API5: variants seen among roughly 807,000 people sequenced by gnomAD.
API5 encodes the protein apoptosis inhibitor 5, also known as FIF.
In API5, 6 loss-of-function variants were observed where a neutral mutation model predicts 71.9. The observed-to-expected ratio is 0.08, with a 90% confidence interval of 0.05 to 0.16. The LOEUF (loss-of-function observed/expected upper bound fraction) is 0.16, where lower values mean the gene tolerates loss of function less well. Among genes scored for constraint, API5 ranks in the 10% least tolerant of loss-of-function variants. The probability of loss-of-function intolerance (pLI) is 1.00; values close to 1 mark genes in which losing one functional copy is unlikely to be tolerated. For missense variants in API5, 332 were observed against 612.8 expected (o/e 0.54, Z 4.84); for synonymous variants, 189 against 221.3 (o/e 0.85, Z 1.30).
intron 13 of API5, chr11:43,340,204 C>T: frequency 2.9e-6 from 1 of 347,618 alleles, no homozygotes; most frequent in Admixed American, 4.1e-5. Context: ...TGAAAAAAAT[C>T]TAGGAATAAA....
At chr11:43,314,042 T>C (rs1021402372) in intron 1 of API5, among the ~76,000 whole-genome samples, 2 of 151,258 alleles carry the variant, frequency 1.3e-5, no homozygotes, top group African/African-American at 4.9e-5. Flanking sequence ...TGAGCTGATA[T>C]CGGGCCACTG....
chr11:43,313,891 C>A (rs1854579658), intron 1 of API5, among the ~76,000 whole-genome samples: 1 of 152,070 alleles, frequency 6.6e-6, no homozygotes, highest in South Asian at 2.1e-4. Flanking sequence ...GAGTTCGAGA[C>A]CAGCCTGGCC....
chr11:43,324,447 C>T (rs954625893), intron 6 of API5, among the ~76,000 whole-genome samples: 1 of 152,062 alleles, frequency 6.6e-6, no homozygotes, highest in Non-Finnish European at 1.5e-5. Context: ...TTGAAAAACA[C>T]AATTTAAAGG....
rs552730819 is a variant in API5 at position 43,321,370 on chromosome 11, A to T, written c.326-41A>T. The T allele has an allele frequency of 2.6e-6, 4 of 1,510,676 alleles. No homozygotes were observed. In the East Asian group the frequency reaches 9.1e-5, roughly 34 times the overall value. 93.6% of individuals were successfully genotyped at this position (1,510,676 alleles called of 1,614,324 possible). On this transcript the variant is annotated intron_variant, in intron 3 of 13. Transcript: ENST00000531273. ...TGAAACTGAAGCAGATGATATTTTA[A>T]ATTTGTTTTATATTCATTATGCCAC...
At chr11:43,312,872 G>A (rs909598909) in intron 1 of API5, among the ~76,000 whole-genome samples, 1 of 152,110 alleles carries the variant, frequency 6.6e-6, no homozygotes, top group African/African-American at 2.4e-5. Context: ...ACTTTGGGAG[G>A]CCGAGGCGGG....
chr11:43,326,499 T>C lies in API5; in HGVS notation c.751-8T>C. 6.4e-7 allele frequency: 1 copy of C among 1,570,064 alleles called. No homozygotes were observed. Among genetic ancestry groups the C allele is most frequent in the Non-Finnish European group, 8.7e-7 (1 of 1,147,894 alleles). On this transcript the variant is annotated splice_polypyrimidine_tract_variant and splice_region_variant and intron_variant, in intron 6 of 13. Transcript: ENST00000531273. ...TTCGACAATGCATTTTCTTTGGATTTCTTACAGAAAAATGTCCATTCCACA... is the reference window on the plus strand; with the variant it reads ...TTCGACAATGCATTTTCTTTGGATTCCTTACAGAAAAATGTCCATTCCACA...
At chr11:43,331,673 C>T (rs114742566) in intron 11 of API5, among the ~76,000 whole-genome samples, 3 of 152,014 alleles carry the variant, frequency 2.0e-5, no homozygotes, top group South Asian at 2.1e-4. Flanking sequence ...AAAGAATCTG[C>T]GTATAAGTGA....
At chr11:43,335,121 G>A (rs1303110486) in intron 11 of API5, 157 bp from the exon 12 acceptor site, 4 of 632,888 alleles carry the variant, frequency 6.3e-6, no homozygotes, top group African/African-American at 3.7e-5. Context: ...TAATACATGT[G>A]ATTTGTAAAC....
chr11:43,324,528 G>A (rs1317381073), intron 6 of API5, among the ~76,000 whole-genome samples: 1 of 152,060 alleles, frequency 6.6e-6, no homozygotes, highest in African/African-American at 2.4e-5. Context: ...GCCAAGGTGG[G>A]AGTATCACTT....
chr11:43,320,319 C>G (rs1854831399), intron 2 of API5, among the ~76,000 whole-genome samples: 1 of 151,976 alleles, frequency 6.6e-6, no homozygotes, highest in African/African-American at 2.4e-5. Flanking sequence ...GCTGGGATTA[C>G]AGGTGTGAGC....
At chr11:43,322,264 C>T (rs142818175) in intron 5 of API5, 128 bp downstream of exon 5, 2 of 837,748 alleles carry the variant, frequency 2.4e-6, no homozygotes, top group African/African-American at 3.5e-5. Context: ...ATTGGAACCA[C>T]CATAGAACTT....
chr11:43,323,200 C>A (rs535225943), intron 5 of API5, among the ~76,000 whole-genome samples: 1 of 151,672 alleles, frequency 6.6e-6, no homozygotes, highest in Non-Finnish European at 1.5e-5. Context: ...GTGCTTTGTA[C>A]GTAAAAAAGT....
At position 43,312,032 on chromosome 11, in the gene API5, A is replaced by G. The variant is rs1321527160; in HGVS notation, c.-96A>G. On this transcript the variant is annotated 5_prime_UTR_variant, in exon 1 of 14. Coordinates refer to ENST00000531273, the MANE Select transcript of API5 (RefSeq NM_001142930.2). ...CTGCACTGGCGGCAGCTGGAGGTGTAATAGTGCGGGTAGTGGGTTTGGAGA... is the reference window on the plus strand; with the variant it reads ...CTGCACTGGCGGCAGCTGGAGGTGTGATAGTGCGGGTAGTGGGTTTGGAGA... 2.2e-6 allele frequency: 3 copies of G among 1,379,000 alleles called. No individual in the cohort carries two copies. Among genetic ancestry groups the G allele is most frequent in the African/African-American group, 1.4e-5 (1 of 70,202 alleles). The allele number at this position is 1,379,000 out of a possible 1,614,324, so 85.4% of individuals were successfully genotyped here.
intron 13 of API5, among the ~76,000 whole-genome samples, chr11:43,339,671 G>A (rs1008564272): frequency 6.6e-6 from 1 of 152,040 alleles, no homozygotes; most frequent in Non-Finnish European, 1.5e-5. Flanking sequence ...CACCTATTTG[G>A]CAGTATTCTG....
intron 13 of API5, among the ~76,000 whole-genome samples, chr11:43,336,617 A>C: frequency 6.6e-6 from 1 of 152,220 alleles, no homozygotes; most frequent in East Asian, 1.9e-4. Flanking sequence ...TGTCGAATCA[A>C]AAGTAAAGTT....
chr11:43,320,913 A>T lies in API5; in HGVS notation c.324A>T (p.Thr108=). ...VADILTQLLQ[T]DDSAEFNLVN... is the part of the protein sequence containing the mutation. Reference sequence around the variant, plus strand: ...ATATACTAACGCAACTTTTGCAGACAGGTAAGGGATTTTATTATTACCTTT... The same window carrying T: ...ATATACTAACGCAACTTTTGCAGACTGGTAAGGGATTTTATTATTACCTTT... Residue 108 remains threonine (T), a splice_region_variant and synonymous_variant, in exon 3 of 14, where the codon ACA becomes ACT. Coordinates refer to ENST00000531273, the MANE Select transcript of API5 (RefSeq NM_001142930.2). The T allele has an allele frequency of 6.2e-7, 1 of 1,606,800 alleles. No homozygotes were observed. Among genetic ancestry groups the T allele is most frequent in the Non-Finnish European group, 8.5e-7 (1 of 1,175,652 alleles).
Position 43,329,947 on chromosome 11 carries a change from A to G in API5, c.1128-18A>G, listed in dbSNP as rs757530506. On this transcript the variant is annotated intron_variant, in intron 9 of 13. Transcript: ENST00000531273. Reference sequence around the variant, plus strand: ...TTGAAGTGATGAATTGCTAATTAACAAATACATTTTCATTTAGGCTGCAGT... The same window carrying G: ...TTGAAGTGATGAATTGCTAATTAACGAATACATTTTCATTTAGGCTGCAGT... The G allele has an allele frequency of 3.7e-6, 6 of 1,609,326 alleles. No individual in the cohort carries two copies. In the Admixed American group the frequency reaches 6.7e-5, roughly 18 times the overall value.
intron 6 of API5, among the ~76,000 whole-genome samples, chr11:43,324,158 C>G (rs1362903169): frequency 6.6e-6 from 1 of 152,172 alleles, no homozygotes; most frequent in Non-Finnish European, 1.5e-5. Flanking sequence ...GCTGCTACTA[C>G]AGTCATGCAC....
At position 43,328,697 on chromosome 11, in the gene API5, A is replaced by AT; in HGVS notation, c.946-10dup. 6.2e-7 allele frequency: 1 copy of AT among 1,609,154 alleles called. No homozygotes were observed. Among genetic ancestry groups the AT allele is most frequent in the Non-Finnish European group, 8.5e-7 (1 of 1,176,576 alleles). On this transcript the variant is annotated splice_polypyrimidine_tract_variant and intron_variant, in intron 8 of 13. Coordinates refer to ENST00000531273, the MANE Select transcript of API5 (RefSeq NM_001142930.2). ...GTAGAACAGATTGCAAAATCTGTAT[A>AT]TTTTTCTCTCTTAGGAATACATGCC...
Sources: allele counts gnomAD v4.1 joint callset (sites outside exome capture counted in the v4.1 genomes callset), GRCh38; gene constraint gnomAD v4.1.1; transcripts MANE v1.5; gene names NCBI Gene and HGNC (gene_info 2026-07-23, HGNC 2026-07-21).